The following NXN variants were observed in gnomAD, a reference collection of about 807,000 sequenced individuals.
The protein encoded by NXN is nucleoredoxin, also known as nucleoredoxin 1.
Under a neutral mutation model 48.6 loss-of-function variants are expected in NXN, and 16 were observed. The ratio of observed to expected loss-of-function variants is 0.33; its 90% CI spans 0.22 to 0.50. The LOEUF is 0.50. Ranked by LOEUF, NXN falls within the 20% of genes least tolerant of loss-of-function variation. The probability of loss-of-function intolerance (pLI) is 0.98; values close to 1 mark genes in which losing one functional copy is unlikely to be tolerated. For synonymous variants in NXN, 281 were observed against 269.6 expected (o/e 1.04, Z -0.41); for missense variants, 492 against 605.5 (o/e 0.81, Z 1.97).
intron 1 of NXN, among the ~76,000 whole-genome samples, chr17:845,783 T>C (rs922786758): frequency 6.6e-6 from 1 of 152,198 alleles, no homozygotes; most frequent in Non-Finnish European, 1.5e-5. Context: ...ACCAGGCAAA[T>C]ACGCCGGGTG....
chr17:949,811 G>A (rs2069089614), intron 1 of NXN, among the ~76,000 whole-genome samples: 2 of 151,426 alleles, frequency 1.3e-5, no homozygotes, highest in Admixed American at 1.3e-4. Flanking sequence ...CTGAGACCCT[G>A]GAGAGCCACT....
chr17:944,301 G>A (rs1002395231), intron 1 of NXN, among the ~76,000 whole-genome samples: 6 of 152,180 alleles, frequency 3.9e-5, no homozygotes, highest in African/African-American at 1.4e-4. Flanking sequence ...CTTCCATAAT[G>A]AGAGCTTCCA....
rs1240765313 is a variant in NXN, at chr17:872,821, A to C, written c.361-46743T>G. ...TTTTTAGTAGAGACGGGTTTTTGCC[A>C]TGTTGGCCAGGCTGGTCTTGAACTC... On this transcript the variant is annotated intron_variant, in intron 1 of 7. Coordinates refer to ENST00000336868, the MANE Select transcript of NXN (RefSeq NM_022463.5). Among the ~76,000 whole-genome samples, 4 of 152,004 alleles carry C rather than the reference A, an allele frequency of 2.6e-5. No individual in the cohort carries two copies. The East Asian group carries it at 7.8e-4, about 30-fold the overall frequency.
chr17:820,187 G>C (rs1287061426), intron 4 of NXN, among the ~76,000 whole-genome samples: 1 of 152,046 alleles, frequency 6.6e-6, no homozygotes. Flanking sequence ...GTGTACCTTT[G>C]TTCCGTGCCT....
At chr17:960,365 ACAGGGTCTCCTTCTGTCACT>A (rs905199862) in intron 1 of NXN, among the ~76,000 whole-genome samples, 333 of 151,902 alleles carry the variant, frequency 2.2e-3, no homozygotes, top group African/African-American at 7.7e-3. Flanking sequence ...TTTTTTTGTG[ACAGGGTCTCCTTCTGTCACT>A]CAGGCTGGGG....
At position 857,799 on chromosome 17, in the gene NXN, C is replaced by T. The variant is rs576736979; in HGVS notation, c.361-31721G>A. The stretch of plus-strand genomic sequence containing the variant: ...TGGTAGAGACCTCCTCTAGGTGGCA[C>T]GAGTATCCCTCACTAAATAACACTG... On this transcript the variant is annotated intron_variant, in intron 1 of 7. Coordinates refer to ENST00000336868, the MANE Select transcript of NXN (RefSeq NM_022463.5). 3.3e-5 allele frequency among the ~76,000 whole-genome samples: 5 copies of T among 152,184 alleles called. No individual in the cohort carries two copies. In the South Asian group the frequency reaches 1.0e-3, roughly 32 times the overall value.
chr17:805,356 C>T (rs1415604170), intron 5 of NXN, 109 bp from the exon 6 acceptor site: 5 of 1,174,626 alleles, frequency 4.3e-6, no homozygotes, highest in Non-Finnish European at 5.9e-6. Context: ...GTGGAGCCCA[C>T]CGAGGACCTG....
chr17:863,048 C>G (rs1055586436), intron 1 of NXN, among the ~76,000 whole-genome samples: 22 of 152,172 alleles, frequency 1.4e-4, no homozygotes, highest in African/African-American at 5.3e-4. Flanking sequence ...GGGATTGGTT[C>G]TGGGACCCCC....
At chr17:897,715 A>G (rs1024864514) in intron 1 of NXN, among the ~76,000 whole-genome samples, 5 of 151,968 alleles carry the variant, frequency 3.3e-5, no homozygotes, top group Non-Finnish European at 7.4e-5. Flanking sequence ...TCACTCTGTC[A>G]CCCAGGCTGG....
intron 1 of NXN, among the ~76,000 whole-genome samples, chr17:856,427 T>C (rs982196270): frequency 6.6e-6 from 1 of 151,904 alleles, no homozygotes; most frequent in African/African-American, 2.4e-5. Context: ...CTGCAGGGCA[T>C]GCTTTACAAC....
At chr17:901,210 G>A (rs1304119520) in intron 1 of NXN, among the ~76,000 whole-genome samples, 6 of 150,524 alleles carry the variant, frequency 4.0e-5, no homozygotes, top group African/African-American at 7.4e-5. Flanking sequence ...CATGAGCCAC[G>A]GCGTCCGGCC....
intron 5 of NXN, among the ~76,000 whole-genome samples, chr17:809,495 G>C (rs531338813): frequency 1.6e-4 from 25 of 152,310 alleles, no homozygotes; most frequent in Non-Finnish European, 1.6e-4. Context: ...GCTGGGGCAA[G>C]GAAGCTGAAG....
rs1315126450 is a variant in NXN at position 830,322 on chromosome 17, T to C, written c.361-4244A>G. The stretch of plus-strand genomic sequence containing the variant: ...CTCCTCCAGTGGGAGAGGCAGACAA[T>C]AAACAAGAATATAAACAGGAAACTC... On this transcript the variant is annotated intron_variant, in intron 1 of 7. Transcript: ENST00000336868. The surrounding 1 kb of genome is among the most constrained non-coding windows in gnomAD (Gnocchi z 4.2). 6.6e-6 allele frequency among the ~76,000 whole-genome samples: 1 copy of C among 151,054 alleles called. No homozygotes were observed. Among genetic ancestry groups the C allele is most frequent in the Non-Finnish European group, 1.5e-5 (1 of 67,784 alleles).
At chr17:847,144 G>A (rs74660684) in intron 1 of NXN, among the ~76,000 whole-genome samples, 4 of 152,222 alleles carry the variant, frequency 2.6e-5, no homozygotes, top group East Asian at 1.9e-4. Context: ...GGCACCGTCC[G>A]TACCTGTCCC....
chr17:840,910 C>A (rs1281513851), intron 1 of NXN, among the ~76,000 whole-genome samples: 1 of 152,206 alleles, frequency 6.6e-6, no homozygotes, highest in Non-Finnish European at 1.5e-5. Context: ...CCACTGCCCC[C>A]ACAAGCCTTT....
At chr17:964,992 G>A (rs1339144825) in intron 1 of NXN, among the ~76,000 whole-genome samples, 1 of 152,176 alleles carries the variant, frequency 6.6e-6, no homozygotes, top group Non-Finnish European at 1.5e-5. Flanking sequence ...TTGGGTAGAG[G>A]GCAGGGCAGT....
intron 1 of NXN, among the ~76,000 whole-genome samples, chr17:967,747 G>A (rs535713273): frequency 1.8e-4 from 28 of 152,294 alleles, no homozygotes; most frequent in South Asian, 4.2e-4. Context: ...CGAGGCAGGT[G>A]GATCACGAGG....
At chr17:921,054 T>G (rs903485183) in intron 1 of NXN, among the ~76,000 whole-genome samples, 1 of 151,996 alleles carries the variant, frequency 6.6e-6, no homozygotes, top group Non-Finnish European at 1.5e-5. Flanking sequence ...CTTAACCTCT[T>G]TGTGACTCAG....
intron 1 of NXN, among the ~76,000 whole-genome samples, chr17:923,022 C>A (rs1190207844): frequency 3.3e-5 from 5 of 152,074 alleles, no homozygotes; most frequent in Non-Finnish European, 7.4e-5. Flanking sequence ...GTCTTCATCT[C>A]CTCCCTACTT....
Sources: gnomAD v4.1 joint callset for allele counts (sites outside exome capture counted in the v4.1 genomes callset) on GRCh38, gnomAD v4.1.1 for gene constraint, Gnocchi (gnomAD v3.1) non-coding constraint, MANE v1.5 for transcripts, NCBI Gene and HGNC (gene_info 2026-07-23, HGNC 2026-07-21) for gene names.